The following RBFOX1 variants were observed in gnomAD, a reference collection of about 807,000 sequenced individuals.
The protein encoded by RBFOX1 is RNA binding fox-1 homolog 1.
A neutral mutation model predicts 57.7 loss-of-function variants in RBFOX1; 8 were observed. The observed-to-expected ratio is 0.14, with a 90% confidence interval of 0.08 to 0.25. RBFOX1 has a LOEUF of 0.25. RBFOX1 is among the 10% of genes least tolerant of loss of function. The probability of loss-of-function intolerance (pLI) is 1.00; values close to 1 mark genes in which losing one functional copy is unlikely to be tolerated. For synonymous variants in RBFOX1, 326 were observed against 222.4 expected, an observed-to-expected ratio of 1.47 and a Z score of -4.15; for missense variants, 611 against 548.5, an observed-to-expected ratio of 1.11 and a Z score of -1.14.
At chr16:7,234,408 C>T (rs1338222775) in intron 4 of RBFOX1, among the ~76,000 whole-genome samples, 1 of 151,992 alleles carries the variant, frequency 6.6e-6, no homozygotes, top group East Asian at 1.9e-4. Context: ...GAAAAGCTAA[C>T]CTTTGGGAGG....
intron 4 of RBFOX1, among the ~76,000 whole-genome samples, chr16:5,921,757 G>C (rs1449788748): frequency 6.6e-6 from 1 of 152,050 alleles, no homozygotes; most frequent in Non-Finnish European, 1.5e-5. Context: ...GCCTCAGGAA[G>C]CTTCCAATTA....
chr16:6,208,350 T>C (rs1162376666), intron 1 of RBFOX1, among the ~76,000 whole-genome samples: 1 of 152,170 alleles, frequency 6.6e-6, no homozygotes, highest in African/African-American at 2.4e-5. Flanking sequence ...TGAGGGAATA[T>C]ATTACAATCA....
intron 4 of RBFOX1, among the ~76,000 whole-genome samples, chr16:7,154,217 T>G (rs1601228827): frequency 6.6e-6 from 1 of 152,340 alleles, no homozygotes; most frequent in Non-Finnish European, 1.5e-5. Flanking sequence ...AGGATCATGT[T>G]ACTGCCTTGG....
At chr16:7,567,477 ATGTATGGCCCTATATGTATATC>A (rs2092101117) in intron 5 of RBFOX1, among the ~76,000 whole-genome samples, 1 of 73,582 alleles carries the variant, frequency 1.4e-5, no homozygotes, top group African/African-American at 5.9e-5. Context: ...ATATATCCCT[ATGTATGGCCCTATATGTATATC>A]CCTATGTATG....
intron 3 of RBFOX1, among the ~76,000 whole-genome samples, chr16:6,817,208 C>T (rs2090273308): frequency 6.6e-6 from 1 of 152,070 alleles, no homozygotes; most frequent in African/African-American, 2.4e-5. Flanking sequence ...TGATTAGGTG[C>T]AAGGAACTTT....
chr16:6,637,564 T>TAGTATATATAGAATAG (rs756936561), intron 2 of RBFOX1, among the ~76,000 whole-genome samples: 7 of 128,470 alleles, frequency 5.4e-5, no homozygotes, highest in Non-Finnish European at 9.3e-5. Flanking sequence ...ATATATAATA[T>TAGTATATATAGAATAG]TCTATATAGT....
rs546306320 is a variant in RBFOX1 at position 6,841,383 on chromosome 16, C to T, written c.-16+186733C>T. Among the ~76,000 whole-genome samples, 7 of 152,266 alleles carry T rather than the reference C, an allele frequency of 4.6e-5. No homozygotes were observed. In the South Asian group the frequency reaches 1.0e-3, roughly 23 times the overall value. On this transcript the variant is annotated intron_variant, in intron 3 of 15. Transcript: ENST00000550418. ...AATAAAGTTGAAATAGCCTCACTCA[C>T]ACTAAAGAGCCCAGAGTGTTAATTG...
chr16:5,970,872 A>G (rs999650122), intron 4 of RBFOX1, among the ~76,000 whole-genome samples: 7 of 152,202 alleles, frequency 4.6e-5, no homozygotes, highest in African/African-American at 1.7e-4. Context: ...GGATTGGCTT[A>G]AGCATAATAT....
At chr16:6,730,359 G>T (rs1447402618) in intron 3 of RBFOX1, among the ~76,000 whole-genome samples, 3 of 151,490 alleles carry the variant, frequency 2.0e-5, no homozygotes, top group African/African-American at 7.3e-5. Context: ...ATAGTAAGCA[G>T]TAAGCATGTG....
intron 4 of RBFOX1, among the ~76,000 whole-genome samples, chr16:7,182,852 AT>A (rs1332295914): frequency 6.6e-6 from 1 of 152,142 alleles, no homozygotes. Flanking sequence ...TGGCAATTGC[AT>A]TTTAGCTCAA....
Position 5,913,875 on chromosome 16 carries a change from T to A in RBFOX1, c.351+46540T>A, listed in dbSNP as rs561810915. Among the ~76,000 whole-genome samples the A allele has an allele frequency of 1.2e-3, 181 of 152,374 alleles. 4 individuals carry two copies. The East Asian group carries it at 0.032, about 27-fold the overall frequency. On this transcript the variant is annotated intron_variant, in intron 4 of 19. Coordinates refer to the RBFOX1 transcript ENST00000641259. ...GACACCATGCTGAGCACTTTGGATA[T>A]ATGAATGACATCTTTCTTTACACCA...
intron 3 of RBFOX1, among the ~76,000 whole-genome samples, chr16:7,042,518 C>G (rs765975724): frequency 1.3e-5 from 2 of 152,194 alleles, no homozygotes; most frequent in Non-Finnish European, 2.9e-5. Flanking sequence ...CAGCTGCTTA[C>G]AAAGTTCTGA....
chr16:6,497,603 C>G (rs1038576184), intron 2 of RBFOX1, among the ~76,000 whole-genome samples: 3 of 151,628 alleles, frequency 2.0e-5, no homozygotes, highest in Admixed American at 1.3e-4. Flanking sequence ...GTCACCCAGG[C>G]TGGACTGCAG....
At chr16:7,488,328 T>G (rs1226455184) in intron 4 of RBFOX1, among the ~76,000 whole-genome samples, 1 of 152,168 alleles carries the variant, frequency 6.6e-6, no homozygotes, top group Admixed American at 6.5e-5. Flanking sequence ...TTTTTCTCCT[T>G]TATTATAGCT....
intron 3 of RBFOX1, among the ~76,000 whole-genome samples, chr16:5,631,556 T>TAAA (rs1156896003): frequency 7.2e-6 from 1 of 139,220 alleles, no homozygotes; most frequent in South Asian, 2.3e-4. Context: ...ACTCCATATT[T>TAAA]AAAAAAAAAA....
chr16:5,994,295 G>A (rs947713352), intron 4 of RBFOX1, among the ~76,000 whole-genome samples: 2 of 152,176 alleles, frequency 1.3e-5, no homozygotes, highest in African/African-American at 4.8e-5. Flanking sequence ...CTTAGTAGCT[G>A]GGATTATAGG....
At chr16:6,495,470 C>G (rs563204562) in intron 2 of RBFOX1, among the ~76,000 whole-genome samples, 2 of 150,980 alleles carry the variant, frequency 1.3e-5, no homozygotes, top group Non-Finnish European at 2.9e-5. Flanking sequence ...TTTCGTAGAT[C>G]GGTTGGTCAT....
chr16:7,578,958 C>T (rs749734011), intron 5 of RBFOX1, among the ~76,000 whole-genome samples: 1 of 152,164 alleles, frequency 6.6e-6, no homozygotes, highest in Admixed American at 6.5e-5. Context: ...GTGAAACAAT[C>T]AGTTATGCTG....
rs1422925111 is a variant in RBFOX1, at chr16:5,562,358, G to C, written c.259-36544G>C. Among the ~76,000 whole-genome samples the C allele has an allele frequency of 2.6e-5, 4 of 152,228 alleles. No individual in the cohort carries two copies. The East Asian group carries it at 7.8e-4, about 30-fold the overall frequency. On this transcript the variant is annotated intron_variant, in intron 2 of 2. Coordinates refer to the RBFOX1 transcript ENST00000585867. ...GTTTCCTAGATATTGGAACTGCTGGGGTCAGGATTCAGTGAAGAACCTCTT... is the reference window on the plus strand; with the variant it reads ...GTTTCCTAGATATTGGAACTGCTGGCGTCAGGATTCAGTGAAGAACCTCTT...
Sources: allele counts gnomAD v4.1 joint callset (sites outside exome capture counted in the v4.1 genomes callset), GRCh38; gene constraint gnomAD v4.1.1; transcripts MANE v1.5; gene names NCBI Gene and HGNC (gene_info 2026-07-23, HGNC 2026-07-21).